Variants in RNF32 observed in about 807,000 individuals in gnomAD.
The protein encoded by RNF32 is ring finger protein 32.
A neutral mutation model predicts 41.0 loss-of-function variants in RNF32; 36 were observed. The ratio of observed to expected loss-of-function variants is 0.88; its 90% CI spans 0.67 to 1.16. The LOEUF is 1.16. Among genes scored for constraint, RNF32 ranks in the 50% most tolerant of loss-of-function variants. The pLI, the probability that RNF32 is intolerant of heterozygous loss-of-function variation, is 0.00. For missense variants in RNF32, 413 were observed against 436.7 expected (o/e 0.95, Z 0.48); for synonymous variants, 154 against 160.9 (o/e 0.96, Z 0.32).
intron 7 of RNF32, among the ~76,000 whole-genome samples, chr7:156,675,045 G>A (rs1037673736): frequency 1.5e-4 from 23 of 152,178 alleles, no homozygotes; most frequent in South Asian, 2.1e-4. Context: ...AAAATTACAC[G>A]GATTTACTTA....
chr7:156,668,116 GA>G (rs1801639256), intron 7 of RNF32, among the ~76,000 whole-genome samples: 1 of 152,186 alleles, frequency 6.6e-6, no homozygotes, highest in South Asian at 2.1e-4. Context: ...TTACAAAGAT[GA>G]ATTGGTGCTT....
intron 7 of RNF32, among the ~76,000 whole-genome samples, chr7:156,673,046 A>T (rs1802932195): frequency 6.6e-6 from 1 of 152,214 alleles, no homozygotes; most frequent in Non-Finnish European, 1.5e-5. Flanking sequence ...CCAGGAGCTG[A>T]GGCTGCGGGG....
chr7:156,660,277 T>G, intron 7 of RNF32: 1 of 984,940 alleles, frequency 1.0e-6, no homozygotes. Context: ...TTTGGTCTTC[T>G]CTAAACCTCT....
intron 7 of RNF32, chr7:156,659,921 T>C: frequency 2.0e-6 from 2 of 985,462 alleles, no homozygotes; most frequent in South Asian, 4.7e-5. Flanking sequence ...CAGGGAGACC[T>C]GATCAAACAA....
At chr7:156,643,464 A>T (rs1007680733) in intron 1 of RNF32, among the ~76,000 whole-genome samples, 2 of 152,208 alleles carry the variant, frequency 1.3e-5, no homozygotes, top group African/African-American at 4.8e-5. Context: ...TGCCAGTTTA[A>T]CTGGTTTTTC....
intron 2 of RNF32, among the ~76,000 whole-genome samples, 179 bp downstream of exon 2, chr7:156,644,071 C>A (rs1472972960): frequency 6.6e-6 from 1 of 152,188 alleles, no homozygotes; most frequent in Admixed American, 6.5e-5. Flanking sequence ...AAAACAATCT[C>A]TGGCGATATT....
chr7:156,640,502 A>T (rs1193504732), upstream of RNF32: 1 of 354,526 alleles, frequency 2.8e-6, no homozygotes, highest in South Asian at 2.1e-5. Flanking sequence ...GATCCCCAAA[A>T]ACGCCCGCTG....
intron 7 of RNF32, among the ~76,000 whole-genome samples, chr7:156,667,004 G>A (rs1801426819): frequency 6.6e-6 from 1 of 152,170 alleles, no homozygotes; most frequent in Non-Finnish European, 1.5e-5. Context: ...ACACCCTCCA[G>A]CACAAGATTT....
chr7:156,657,666 C>A, intron 5 of RNF32, 93 bp downstream of exon 5: 1 of 1,214,100 alleles, frequency 8.2e-7, no homozygotes, highest in Non-Finnish European at 1.2e-6. Context: ...CTAAGGAGAG[C>A]CATTTATTTT....
intron 7 of RNF32, among the ~76,000 whole-genome samples, chr7:156,674,964 G>A (rs1452245666): frequency 6.6e-6 from 1 of 152,150 alleles, no homozygotes; most frequent in African/African-American, 2.4e-5. Flanking sequence ...GCAGGGGAGG[G>A]AAACAATATA....
At chr7:156,660,289 T>C (rs1800430054) in intron 7 of RNF32, 2 of 984,328 alleles carry the variant, frequency 2.0e-6, no homozygotes, top group African/African-American at 3.5e-5. Flanking sequence ...TAAACCTCTA[T>C]TGTATGTTTA....
At chr7:156,651,525 A>C (rs1798742303) in intron 3 of RNF32, among the ~76,000 whole-genome samples, 2 of 152,148 alleles carry the variant, frequency 1.3e-5, no homozygotes, top group Admixed American at 6.5e-5. Context: ...TATTTTTAAT[A>C]ATTCTAAATA....
chr7:156,664,057 G>A (rs933025921), intron 7 of RNF32, among the ~76,000 whole-genome samples: 1 of 152,238 alleles, frequency 6.6e-6, no homozygotes, highest in Non-Finnish European at 1.5e-5. Flanking sequence ...CTAGCAGAAC[G>A]TGTGCAGCTC....
At chr7:156,644,430 C>T in intron 2 of RNF32, 69 bp from the exon 3 acceptor site, 1 of 1,219,112 alleles carries the variant, frequency 8.2e-7, no homozygotes, top group Non-Finnish European at 1.2e-6. Context: ...AGTATTGAAG[C>T]CTCAGTTCTC....
At chr7:156,650,861 C>G (rs1313182172) in intron 3 of RNF32, among the ~76,000 whole-genome samples, 1 of 152,218 alleles carries the variant, frequency 6.6e-6, no homozygotes, top group Non-Finnish European at 1.5e-5. Flanking sequence ...AGGCCAGGTG[C>G]TCTCTCACTA....
intron 3 of RNF32, among the ~76,000 whole-genome samples, chr7:156,653,773 T>C (rs1026290763): frequency 2.6e-5 from 4 of 152,208 alleles, no homozygotes; most frequent in African/African-American, 9.7e-5. Context: ...CCACGTGTTA[T>C]TGAAATAAGA....
At chr7:156,647,672 ACTT>A (rs1230225633) in intron 3 of RNF32, among the ~76,000 whole-genome samples, 8 of 152,114 alleles carry the variant, frequency 5.3e-5, no homozygotes, top group African/African-American at 1.9e-4. Flanking sequence ...TCATATAATG[ACTT>A]CTTTTCCTTT....
At position 156,669,113 on chromosome 7, in the gene RNF32, T is replaced by G. The variant is rs903070238; in HGVS notation, c.685-6583T>G. On this transcript the variant is annotated intron_variant, in intron 7 of 8. Transcript: ENST00000317955. The surrounding 1 kb of genome is among the most constrained non-coding windows in gnomAD (Gnocchi z 4.2). ...GCGAACTGCTTTCATGGACTGGCACTTGGAGTTGTGTACTTTGTGAGCCTT... is the reference window on the plus strand; with the variant it reads ...GCGAACTGCTTTCATGGACTGGCACGTGGAGTTGTGTACTTTGTGAGCCTT... The G allele has an allele frequency of 1.3e-5, 2 of 152,180 alleles. No homozygotes were observed. Among genetic ancestry groups the G allele is most frequent in the African/African-American group, 4.8e-5 (2 of 41,442 alleles). 9.4% of individuals were successfully genotyped at this position (152,180 alleles called of 1,614,324 possible). A position where few individuals can be genotyped will look rare whatever the true frequency, so the allele number is the denominator to read the frequency against.
intron 3 of RNF32, among the ~76,000 whole-genome samples, chr7:156,649,377 C>CT (rs1250743299): frequency 6.6e-6 from 1 of 152,178 alleles, no homozygotes; most frequent in African/African-American, 2.4e-5. Flanking sequence ...CTGTGCCTCT[C>CT]TACTTTTATG....
Sources: allele counts gnomAD v4.1 joint callset (sites outside exome capture counted in the v4.1 genomes callset), GRCh38; gene constraint gnomAD v4.1.1; non-coding constraint Gnocchi (gnomAD v3.1); transcripts MANE v1.5; gene names NCBI Gene and HGNC (gene_info 2026-07-23, HGNC 2026-07-21).